The following LRRC7 variants were observed in gnomAD, a reference collection of about 807,000 sequenced individuals.
LRRC7 encodes leucine rich repeat containing 7, also known as leucine-rich repeat-containing protein 7.
Under a neutral mutation model 175.7 loss-of-function variants are expected in LRRC7, and 23 were observed. The ratio of observed to expected loss-of-function variants is 0.13; its 90% CI spans 0.09 to 0.19. The LOEUF is 0.19. Ranked by LOEUF, LRRC7 falls within the 10% of genes least tolerant of loss-of-function variation. The pLI, the probability that LRRC7 is intolerant of heterozygous loss-of-function variation, is 1.00. For missense variants in LRRC7, 1,354 were observed against 1,904.7 expected, an observed-to-expected ratio of 0.71 and a Z score of 5.38; for synonymous variants, 685 against 680.9, an observed-to-expected ratio of 1.01 and a Z score of -0.09.
At chr1:69,891,236 C>G (rs1225168957) in intron 7 of LRRC7, among the ~76,000 whole-genome samples, 1 of 152,188 alleles carries the variant, frequency 6.6e-6, no homozygotes, top group Non-Finnish European at 1.5e-5. Context: ...TTCACTTGAA[C>G]ACTTAGAGAC....
chr1:69,617,271 A>T (rs940827377), intron 1 of LRRC7, among the ~76,000 whole-genome samples: 1 of 152,038 alleles, frequency 6.6e-6, no homozygotes, highest in Non-Finnish European at 1.5e-5. Flanking sequence ...CTAGTATGGC[A>T]TATAATGCAA....
intron 11 of LRRC7, among the ~76,000 whole-genome samples, chr1:69,998,285 C>T (rs1383015495): frequency 6.6e-6 from 1 of 152,146 alleles, no homozygotes; most frequent in East Asian, 1.9e-4. Context: ...GTCCTTCTCC[C>T]CATCACTCCC....
chr1:69,938,569 TG>T (rs1557910184), intron 8 of LRRC7, among the ~76,000 whole-genome samples: 1 of 152,074 alleles, frequency 6.6e-6, no homozygotes, highest in Non-Finnish European at 1.5e-5. Flanking sequence ...ATAAATGATA[TG>T]AATGTGTTTT....
chr1:70,138,894 T>G lies in LRRC7; in HGVS notation c.*17007T>G, dbSNP rs1666966783. ...CTACCTGATTTTAAAGAGACCATATTAGAAATGAAAAGCAGCAGTCTCTAT... is the reference window on the plus strand; with the variant it reads ...CTACCTGATTTTAAAGAGACCATATGAGAAATGAAAAGCAGCAGTCTCTAT... On this transcript the variant is annotated 3_prime_UTR_variant, in exon 27 of 27. Coordinates refer to ENST00000651989, the MANE Select transcript of LRRC7 (RefSeq NM_001370785.2). 1 of 152,202 alleles carries G rather than the reference T, an allele frequency of 6.6e-6. No homozygotes were observed. Among genetic ancestry groups the G allele is most frequent in the Non-Finnish European group, 1.5e-5 (1 of 68,038 alleles). 9.4% of individuals were successfully genotyped at this position (152,202 alleles called of 1,614,324 possible).
chr1:69,891,460 G>A (rs1193066719), intron 7 of LRRC7, among the ~76,000 whole-genome samples: 1 of 152,180 alleles, frequency 6.6e-6, no homozygotes, highest in Admixed American at 6.5e-5. Flanking sequence ...GGCTGGGCAT[G>A]GTGGCTCACA....
chr1:69,771,433 A>T (rs1366591132), intron 3 of LRRC7, among the ~76,000 whole-genome samples: 4 of 152,148 alleles, frequency 2.6e-5, no homozygotes, highest in African/African-American at 9.7e-5. Context: ...TATCCCAGTC[A>T]TTTTTTGAGC....
intron 1 of LRRC7, among the ~76,000 whole-genome samples, chr1:69,591,727 T>A (rs1331966154): frequency 6.6e-6 from 1 of 152,032 alleles, no homozygotes; most frequent in Non-Finnish European, 1.5e-5. Context: ...TACTTACCTA[T>A]CCATTTCTTC....
At chr1:70,103,112 A>G (rs892445017) in intron 25 of LRRC7, among the ~76,000 whole-genome samples, 11 of 151,896 alleles carry the variant, frequency 7.2e-5, no homozygotes, top group African/African-American at 2.7e-4. Flanking sequence ...GCCTGTAGTC[A>G]CAGCTACGCA....
Position 69,832,392 on chromosome 1 carries a change from G to A in LRRC7, c.501-2388G>A, listed in dbSNP as rs1446130327. Among the ~76,000 whole-genome samples, 4 of 152,094 alleles carry A rather than the reference G, an allele frequency of 2.6e-5. No homozygotes were observed. The South Asian group carries it at 6.2e-4, about 24-fold the overall frequency. On this transcript the variant is annotated intron_variant, in intron 5 of 26. Transcript: ENST00000651989. ...CTTCAGACAGGAAGGAAAGGGGCAG[G>A]CAATCATGATTTGTTCCAGTGTACA...
chr1:69,935,933 T>A (rs1557907592), intron 8 of LRRC7, among the ~76,000 whole-genome samples: 1 of 152,190 alleles, frequency 6.6e-6, no homozygotes, highest in Non-Finnish European at 1.5e-5. Context: ...TTCTAAACGT[T>A]TGAAGGTTTA....
intron 1 of LRRC7, among the ~76,000 whole-genome samples, chr1:69,657,455 C>T (rs191130757): frequency 6.6e-6 from 1 of 151,836 alleles, no homozygotes; most frequent in Admixed American, 6.6e-5. Flanking sequence ...ATAAATTTAT[C>T]CGTATCATCC....
At chr1:69,876,620 G>A (rs758719638) in intron 7 of LRRC7, among the ~76,000 whole-genome samples, 2 of 152,102 alleles carry the variant, frequency 1.3e-5, no homozygotes, top group Non-Finnish European at 2.9e-5. Flanking sequence ...CCTCACACAC[G>A]TACAACTTGC....
At chr1:69,754,829 A>G (rs550526754) in intron 2 of LRRC7, among the ~76,000 whole-genome samples, 1 of 152,184 alleles carries the variant, frequency 6.6e-6, no homozygotes, top group African/African-American at 2.4e-5. Flanking sequence ...GAGGGAAGTA[A>G]ATCTGCATTA....
chr1:69,906,347 T>G (rs1209378009), intron 7 of LRRC7, among the ~76,000 whole-genome samples: 1 of 152,230 alleles, frequency 6.6e-6, no homozygotes, highest in Non-Finnish European at 1.5e-5. Flanking sequence ...GCCTATGTCC[T>G]GAATAGTATT....
At chr1:70,117,576 A>G (rs1558082987) in intron 26 of LRRC7, among the ~76,000 whole-genome samples, 1 of 152,208 alleles carries the variant, frequency 6.6e-6, no homozygotes, top group East Asian at 1.9e-4. Flanking sequence ...TATCAAATAA[A>G]AAATTAAATA....
chr1:69,950,093 CTA>C (rs902775821), intron 8 of LRRC7, among the ~76,000 whole-genome samples: 1 of 151,804 alleles, frequency 6.6e-6, no homozygotes, highest in African/African-American at 2.4e-5. Flanking sequence ...CATGTTTACT[CTA>C]TGTTTATGTA....
chr1:69,929,295 A>G (rs1466428605), intron 7 of LRRC7, among the ~76,000 whole-genome samples: 1 of 152,156 alleles, frequency 6.6e-6, no homozygotes. Flanking sequence ...ATGCTTGTTT[A>G]TGCAACTGAA....
At chr1:69,670,273 G>A (rs998054137) in intron 1 of LRRC7, among the ~76,000 whole-genome samples, 19 of 152,180 alleles carry the variant, frequency 1.2e-4, no homozygotes, top group Middle Eastern at 6.3e-3. Flanking sequence ...AATTTAAGCC[G>A]TATCTGCATT....
intron 24 of LRRC7, 39 bp downstream of exon 24, chr1:70,076,337 A>G: frequency 6.3e-7 from 1 of 1,589,704 alleles, no homozygotes; most frequent in South Asian, 1.1e-5. Flanking sequence ...ATCTTCAGGT[A>G]AGAAAAGTCC....
Sources: allele counts gnomAD v4.1 joint callset (sites outside exome capture counted in the v4.1 genomes callset), GRCh38; gene constraint gnomAD v4.1.1; transcripts MANE v1.5; gene names NCBI Gene and HGNC (gene_info 2026-07-23, HGNC 2026-07-21).